The following TM2D2 variants were observed in gnomAD, a reference collection of about 807,000 sequenced individuals.
TM2D2 encodes the protein TM2 domain-containing protein 2.
Under a neutral mutation model 23.0 loss-of-function variants are expected in TM2D2, and 19 were observed. The ratio of observed to expected loss-of-function variants is 0.82; its 90% CI spans 0.58 to 1.21. The LOEUF (loss-of-function observed/expected upper bound fraction) is 1.21. Among genes scored for constraint, TM2D2 ranks in the 50% most tolerant of loss-of-function variants. The probability of loss-of-function intolerance (pLI) is 0.00; values close to 1 mark genes in which losing one functional copy is unlikely to be tolerated. For missense variants in TM2D2, 246 were observed against 265.4 expected (o/e 0.93, Z 0.51); for synonymous variants, 120 against 108.8 (o/e 1.10, Z -0.64).
intron 3 of TM2D2, among the ~76,000 whole-genome samples, chr8:38,991,887 A>G (rs1365130630): frequency 6.6e-6 from 1 of 152,200 alleles, no homozygotes; most frequent in Non-Finnish European, 1.5e-5. Flanking sequence ...CAGGGCGAAT[A>G]GTTTAGAACT....
At chr8:38,995,506 A>G (rs1318328968) in intron 1 of TM2D2, 101 bp from the exon 2 acceptor site, 1 of 1,577,962 alleles carries the variant, frequency 6.3e-7, no homozygotes, top group Non-Finnish European at 8.6e-7. Context: ...TTCTTCATCA[A>G]GTTTTCTGGG....
chr8:38,990,258 AGTTCTACCTT>A lies in TM2D2; in HGVS notation c.*1064_*1073del, dbSNP rs1835564845. On this transcript the variant is annotated 3_prime_UTR_variant, in exon 4 of 4. Coordinates refer to ENST00000456397, the MANE Select transcript of TM2D2 (RefSeq NM_078473.3). ...CAATTATTATTAGGTAAACTGAGTG[AGTTCTACCTT>A]GTTTCTAGAATTTGTAAGTTATTCT... The A allele has an allele frequency of 6.6e-6, 1 of 152,254 alleles. No individual in the cohort carries two copies. The highest frequency in any genetic ancestry group is 2.1e-4 in the South Asian group (1 of 4,834). The allele number at this position is 152,254 out of a possible 1,614,324, so 9.4% of individuals were successfully genotyped here.
Position 38,996,430 on chromosome 8 carries a change from C to A in TM2D2, c.10G>T (p.Gly4Cys), listed in dbSNP as rs1318379049. The A allele has an allele frequency of 6.2e-7, 1 of 1,614,094 alleles. No individual in the cohort carries two copies. Among genetic ancestry groups the A allele is most frequent in the Admixed American group, 1.7e-5 (1 of 60,028 alleles). The change falls in exon 1 of 4, where the codon GGT (glycine) becomes TGT (cysteine). Residue 4 changes from glycine (G) to cysteine (C), a missense_variant. This residue lies in a region of TM2D2 where 212 missense variants were observed against 202.2 expected (regional missense o/e 1.05). Coordinates refer to ENST00000456397, the MANE Select transcript of TM2D2 (RefSeq NM_078473.3). The stretch of plus-strand genomic sequence containing the variant: ...AGTAAGTAACTAACCGGGCAACCAC[C>A]TAGCACCATCTTCCCGGGCACAGGA... MVL[G>C]GCPVSYLLLC...
At position 38,996,414 on chromosome 8, in the gene TM2D2, C is replaced by G. The variant is rs778768524; in HGVS notation, c.26G>C (p.Ser9Thr). MVLGGCPV[S>T]YLLLCGQAAL... ...CGCCTGGCCGCACAGAAGTAAGTAA[C>G]TAACCGGGCAACCACCTAGCACCAT... is the stretch of plus-strand genomic sequence containing the variant. The change falls in exon 1 of 4, where the codon AGT (serine) becomes ACT (threonine). Residue 9 changes from serine to threonine, a missense_variant. Around this residue, in one of 2 missense-constraint regions of TM2D2, gnomAD observed 212 missense variants for 202.2 expected, o/e 1.05. Coordinates refer to ENST00000456397, the MANE Select transcript of TM2D2 (RefSeq NM_078473.3). The G allele has an allele frequency of 5.0e-6, 8 of 1,614,202 alleles. No homozygotes were observed. The highest frequency in any genetic ancestry group is 2.2e-5 in the East Asian group (1 of 44,882).
intron 3 of TM2D2, among the ~76,000 whole-genome samples, 170 bp from the exon 4 acceptor site, chr8:38,991,715 A>C (rs2129428634): frequency 6.6e-6 from 1 of 152,274 alleles, no homozygotes; most frequent in South Asian, 2.1e-4. Flanking sequence ...AGGATCAGGA[A>C]AAACCAAAGT....
chr8:38,990,442 G>C lies in TM2D2; in HGVS notation c.*890C>G, dbSNP rs1835569187. On this transcript the variant is annotated 3_prime_UTR_variant, in exon 4 of 4. Transcript: ENST00000456397. ...ATTTCCTTTTATTCCTGGTGACCGG[G>C]GAATGCAGAGGTGTGGCTGTTATCT... 6.6e-6 allele frequency: 1 copy of C among 152,174 alleles called. No homozygotes were observed. Among genetic ancestry groups the C allele is most frequent in the South Asian group, 2.1e-4 (1 of 4,832 alleles). 9.4% of individuals were successfully genotyped at this position (152,174 alleles called of 1,614,324 possible).
At position 38,989,452 on chromosome 8, in the gene TM2D2, C is replaced by G. The variant is rs916541182; in HGVS notation, c.*1880G>C. On this transcript the variant is annotated 3_prime_UTR_variant, in exon 4 of 4. Transcript: ENST00000456397. Reference sequence around the variant, plus strand: ...GAGTAGCTGGGATTACAGGTGCACGCCACCACGCCCGGCTAATTTTTGCAT... The same window carrying G: ...GAGTAGCTGGGATTACAGGTGCACGGCACCACGCCCGGCTAATTTTTGCAT... 1 of 152,356 alleles carries G rather than the reference C, an allele frequency of 6.6e-6. No individual in the cohort carries two copies. The highest frequency in any genetic ancestry group is 2.4e-5 in the African/African-American group (1 of 41,434). 9.4% of individuals were successfully genotyped at this position (152,356 alleles called of 1,614,324 possible).
chr8:38,996,843 T>A, upstream of TM2D2: 1 of 1,444,622 alleles, frequency 6.9e-7, no homozygotes, highest in Non-Finnish European at 9.1e-7. Context: ...CGCCGGGGAC[T>A]GGATTTTTCC....
chr8:38,995,983 C>T (rs1835767809), intron 1 of TM2D2, among the ~76,000 whole-genome samples: 1 of 152,200 alleles, frequency 6.6e-6, no homozygotes, highest in Non-Finnish European at 1.5e-5. Flanking sequence ...TATGATGTTA[C>T]TCCTACCCAG....
Position 38,991,078 on chromosome 8 carries a change from T to G in TM2D2, c.*254A>C. ...TCCACAGCTTGTAAACTCGCCACTA[T>G]CCTTTATGTTTTGTGCATGAGGAAA... is the stretch of plus-strand genomic sequence containing the variant. On this transcript the variant is annotated 3_prime_UTR_variant, in exon 4 of 4. Transcript: ENST00000456397. The G allele has an allele frequency of 3.7e-6, 2 of 533,572 alleles. No individual in the cohort carries two copies. The highest frequency in any genetic ancestry group is 3.3e-5 in the East Asian group (1 of 30,362). 33.1% of individuals were successfully genotyped at this position (533,572 alleles called of 1,614,324 possible). A position where few individuals can be genotyped will look rare whatever the true frequency, so the allele number is the denominator to read the frequency against.
chr8:38,992,231 C>T (rs1382716754), intron 3 of TM2D2, among the ~76,000 whole-genome samples: 1 of 139,874 alleles, frequency 7.1e-6, no homozygotes, highest in East Asian at 2.1e-4. Context: ...TTTGGGAGGC[C>T]AAGATGAGAG....
chr8:38,992,425 C>A (rs919565671), intron 3 of TM2D2, among the ~76,000 whole-genome samples: 1 of 151,080 alleles, frequency 6.6e-6, no homozygotes, highest in Admixed American at 6.6e-5. Context: ...CTGCAGTGAG[C>A]CCTGTTTGTC....
chr8:38,994,399 G>C (rs992075557), intron 2 of TM2D2, among the ~76,000 whole-genome samples: 10 of 152,130 alleles, frequency 6.6e-5, no homozygotes, highest in Admixed American at 5.9e-4. Flanking sequence ...AATGCTTACA[G>C]GATAAACTCA....
chr8:38,996,036 A>G (rs1234311874), intron 1 of TM2D2, among the ~76,000 whole-genome samples, 177 bp downstream of exon 1: 2 of 152,060 alleles, frequency 1.3e-5, no homozygotes, highest in East Asian at 3.9e-4. Context: ...ACTGACACAC[A>G]AGAGTTTTCT....
At chr8:38,994,646 T>C (rs1479087899) in intron 2 of TM2D2, among the ~76,000 whole-genome samples, 1 of 152,216 alleles carries the variant, frequency 6.6e-6, no homozygotes, top group Non-Finnish European at 1.5e-5. Flanking sequence ...TTGCATTATG[T>C]GGCATAATAG....
At position 38,989,843 on chromosome 8, in the gene TM2D2, G is replaced by A. The variant is rs982304943; in HGVS notation, c.*1489C>T. ...ACTCTTTTATTTGTATAAATTTATA[G>A]GGTACCAGTACAATTTTATTTCATG... On this transcript the variant is annotated 3_prime_UTR_variant, in exon 4 of 4. Coordinates refer to ENST00000456397, the MANE Select transcript of TM2D2 (RefSeq NM_078473.3). The A allele has an allele frequency of 8.6e-5, 13 of 151,862 alleles. No individual in the cohort carries two copies. Among genetic ancestry groups the A allele is most frequent in the African/African-American group, 3.1e-4 (13 of 41,298 alleles). The allele number at this position is 151,862 out of a possible 1,614,324, so 9.4% of individuals were successfully genotyped here.
chr8:38,996,529 C>T (rs1835808577), upstream of TM2D2: 4 of 1,536,952 alleles, frequency 2.6e-6, no homozygotes, highest in Non-Finnish European at 3.5e-6. Context: ...GGCCTTTCCG[C>T]GTAGCCCCGC....
chr8:38,996,532 AG>A, upstream of TM2D2: 1 of 1,531,650 alleles, frequency 6.5e-7, no homozygotes, highest in Non-Finnish European at 8.8e-7. Flanking sequence ...CTTTCCGCGT[AG>A]CCCCGCCCGC....
At chr8:38,993,523 C>T (rs1346231111) in intron 3 of TM2D2, 22 bp downstream of exon 3, 2 of 1,567,084 alleles carry the variant, frequency 1.3e-6, no homozygotes, top group Non-Finnish European at 8.8e-7. Context: ...GTACCAACTA[C>T]TCCAATCAAA....
Sources: allele counts gnomAD v4.1 joint callset (sites outside exome capture counted in the v4.1 genomes callset), GRCh38; gene constraint gnomAD v4.1.1; regional missense constraint gnomAD v4.1.1; transcripts MANE v1.5; gene names NCBI Gene and HGNC (gene_info 2026-07-23, HGNC 2026-07-21).